Variants in KCNH1 observed in about 807,000 individuals in gnomAD.
KCNH1 encodes the protein potassium voltage-gated channel subfamily H member 1, also known as voltage-gated delayed rectifier potassium channel KCNH1.
A neutral mutation model predicts 69.2 loss-of-function variants in KCNH1; 27 were observed. That is an observed-to-expected ratio of 0.39 (90% confidence interval 0.29 to 0.54). The LOEUF (loss-of-function observed/expected upper bound fraction) is 0.54. KCNH1 is among the 20% of genes least tolerant of loss of function. The pLI, the probability that KCNH1 is intolerant of heterozygous loss-of-function variation, is 0.68. For missense variants in KCNH1, 798 were observed against 1,261.6 expected (o/e 0.63, Z 5.57); for synonymous variants, 456 against 487.7 (o/e 0.93, Z 0.86).
intron 6 of KCNH1, among the ~76,000 whole-genome samples, chr1:210,950,830 C>G (rs1267957644): frequency 1.3e-5 from 2 of 152,136 alleles, no homozygotes; most frequent in African/African-American, 2.4e-5. Context: ...AAACAACTGA[C>G]AAATACTGGC....
chr1:210,810,127 G>T (rs1398393236), intron 7 of KCNH1, among the ~76,000 whole-genome samples: 1 of 151,940 alleles, frequency 6.6e-6, no homozygotes, highest in East Asian at 1.9e-4. Flanking sequence ...GGATATATGG[G>T]AACAAAGTTT....
Position 210,797,695 on chromosome 1 carries a change from G to A in KCNH1, c.1728C>T (p.Phe576=), listed in dbSNP as rs780100804. ...DICVHLNRKV[F]KEHPAFRLAS... is the part of the protein sequence containing the mutation. Reference sequence around the variant, plus strand: ...CCAGCCGGAAGGCCGGGTGCTCCTTGAACACCTTGCGGTTCAGGTGCACGC... The same window carrying A: ...CCAGCCGGAAGGCCGGGTGCTCCTTAAACACCTTGCGGTTCAGGTGCACGC... Residue 576 remains phenylalanine (F), a synonymous_variant, in exon 9 of 11, where the codon TTC becomes TTT. Coordinates refer to ENST00000271751, the MANE Select transcript of KCNH1 (RefSeq NM_172362.3). 6 of 1,614,230 alleles carry A rather than the reference G, an allele frequency of 3.7e-6. No individual in the cohort carries two copies. Among genetic ancestry groups the A allele is most frequent in the Non-Finnish European group, 5.1e-6 (6 of 1,180,038 alleles).
At chr1:210,844,315 G>A (rs961003038) in intron 7 of KCNH1, among the ~76,000 whole-genome samples, 3 of 152,184 alleles carry the variant, frequency 2.0e-5, no homozygotes, top group Non-Finnish European at 4.4e-5. Flanking sequence ...GAGGTCAAGA[G>A]ATCGAGACCA....
intron 6 of KCNH1, among the ~76,000 whole-genome samples, chr1:210,929,029 A>G (rs1687631388): frequency 6.6e-6 from 1 of 152,102 alleles, no homozygotes; most frequent in African/African-American, 2.4e-5. Context: ...CGAGATTGAA[A>G]TAATTTAAAA....
intron 4 of KCNH1, among the ~76,000 whole-genome samples, chr1:211,085,056 G>A (rs941600319): frequency 3.9e-5 from 6 of 152,200 alleles, no homozygotes; most frequent in African/African-American, 1.4e-4. Flanking sequence ...AGGCTGGGGA[G>A]TCAAAGCAGG....
intron 7 of KCNH1, chr1:210,861,154 A>G (rs190268683): frequency 1.2e-4 from 111 of 912,814 alleles, no homozygotes; most frequent in Non-Finnish European, 1.8e-4. Context: ...TCATGCGTAT[A>G]TACTCGTAAG....
intron 4 of KCNH1, among the ~76,000 whole-genome samples, chr1:211,087,804 C>T (rs1386445527): frequency 6.6e-6 from 1 of 152,114 alleles, no homozygotes; most frequent in Non-Finnish European, 1.5e-5. Context: ...AGTCAGAGGC[C>T]TACCTAGCTC....
chr1:211,008,120 A>C (rs564513825), intron 6 of KCNH1, among the ~76,000 whole-genome samples: 107 of 152,340 alleles, frequency 7.0e-4, no homozygotes, highest in African/African-American at 2.5e-3. Context: ...TCACAGCAAC[A>C]TTATTCATAA....
chr1:210,759,097 C>T (rs9429851), intron 10 of KCNH1, among the ~76,000 whole-genome samples: 4,323 of 150,326 alleles, frequency 0.029, 221 homozygotes, highest in African/African-American at 0.1. Context: ...CAGTCATACC[C>T]CAAGGGGAAA....
intron 1 of KCNH1, among the ~76,000 whole-genome samples, chr1:211,131,463 C>T (rs1182834201): frequency 6.6e-6 from 1 of 152,106 alleles, no homozygotes; most frequent in Admixed American, 6.5e-5. Flanking sequence ...GTTTTCTGAT[C>T]TGTAAAAGAG....
chr1:211,078,351 T>C (rs28877670), intron 5 of KCNH1, among the ~76,000 whole-genome samples: 1 of 152,146 alleles, frequency 6.6e-6, no homozygotes, highest in African/African-American at 2.4e-5. Context: ...TATTCCAAAA[T>C]TGACCACACA....
intron 7 of KCNH1, among the ~76,000 whole-genome samples, chr1:210,879,803 T>G (rs553631415): frequency 2.6e-5 from 4 of 152,232 alleles, no homozygotes; most frequent in African/African-American, 7.2e-5. Flanking sequence ...AAGAAAGAAA[T>G]AAATTTTTTT....
chr1:210,864,976 G>A (rs1686073309), intron 7 of KCNH1, among the ~76,000 whole-genome samples: 1 of 152,160 alleles, frequency 6.6e-6, no homozygotes, highest in Admixed American at 6.5e-5. Flanking sequence ...TGGTAGCTGG[G>A]TTCTAAGAGC....
At chr1:210,871,254 C>G (rs903319693) in intron 7 of KCNH1, among the ~76,000 whole-genome samples, 2 of 152,166 alleles carry the variant, frequency 1.3e-5, no homozygotes, top group Admixed American at 1.3e-4. Flanking sequence ...CATGAACAGA[C>G]ACTTCTCTAA....
intron 6 of KCNH1, among the ~76,000 whole-genome samples, chr1:210,972,853 C>G (rs1688535114): frequency 6.6e-6 from 1 of 150,502 alleles, no homozygotes; most frequent in South Asian, 2.1e-4. Flanking sequence ...ATCCTTTCTA[C>G]AATCTTGCTT....
At chr1:210,741,445 G>A (rs547844004) in intron 10 of KCNH1, among the ~76,000 whole-genome samples, 23 of 152,222 alleles carry the variant, frequency 1.5e-4, no homozygotes, top group Middle Eastern at 3.4e-3. Flanking sequence ...TATATGGGTG[G>A]GGAGGCGAAA....
At chr1:211,011,841 A>G (rs1689401297) in intron 6 of KCNH1, among the ~76,000 whole-genome samples, 1 of 152,218 alleles carries the variant, frequency 6.6e-6, no homozygotes, top group African/African-American at 2.4e-5. Flanking sequence ...TGTCTCCTCC[A>G]CAATCCTTCA....
At chr1:210,913,734 C>G (rs1028982419) in intron 7 of KCNH1, among the ~76,000 whole-genome samples, 1 of 152,180 alleles carries the variant, frequency 6.6e-6, no homozygotes, top group African/African-American at 2.4e-5. Context: ...AAAGTTGAGG[C>G]TGACACTACT....
At chr1:211,006,148 T>C (rs1401539887) in intron 6 of KCNH1, among the ~76,000 whole-genome samples, 1 of 152,176 alleles carries the variant, frequency 6.6e-6, no homozygotes, top group African/African-American at 2.4e-5. Flanking sequence ...TGCAACCACT[T>C]TGTGCAAAGC....
Sources: allele counts gnomAD v4.1 joint callset (sites outside exome capture counted in the v4.1 genomes callset), GRCh38; gene constraint gnomAD v4.1.1; transcripts MANE v1.5; gene names NCBI Gene and HGNC (gene_info 2026-07-23, HGNC 2026-07-21).